Variants in INPP4B observed in about 807,000 individuals in gnomAD.
The protein encoded by INPP4B is inositol polyphosphate 4-phosphatase type II.
A neutral mutation model predicts 122.5 loss-of-function variants in INPP4B; 55 were observed. The ratio of observed to expected loss-of-function variants is 0.45; its 90% confidence interval spans 0.36 to 0.56. INPP4B has a LOEUF of 0.56. Among genes scored for constraint, INPP4B ranks in the 20% least tolerant of loss-of-function variants. The pLI, the probability that INPP4B is intolerant of heterozygous loss-of-function variation, is 0.00. For missense variants in INPP4B, 1,000 were observed against 1,097.7 expected (o/e 0.91, Z 1.26); for synonymous variants, 403 against 388.7 (o/e 1.04, Z -0.43).
intron 2 of INPP4B, among the ~76,000 whole-genome samples, chr4:142,591,423 G>T (rs542626753): frequency 6.6e-6 from 1 of 152,104 alleles, no homozygotes; most frequent in Admixed American, 6.5e-5. Context: ...ATAACCCAAA[G>T]TATAAAATAA....
chr4:142,774,398 T>C (rs1217629719), intron 1 of INPP4B, among the ~76,000 whole-genome samples: 1 of 152,122 alleles, frequency 6.6e-6, no homozygotes, highest in Non-Finnish European at 1.5e-5. Context: ...GCAGGTGAGT[T>C]ATATTTGGAC....
chr4:142,536,580 C>A (rs957610354), intron 2 of INPP4B, among the ~76,000 whole-genome samples: 3 of 152,208 alleles, frequency 2.0e-5, no homozygotes, highest in African/African-American at 7.2e-5. Context: ...GAGTGGTGTG[C>A]CCTGGCATTT....
chr4:142,552,775 T>C (rs1413201572), intron 2 of INPP4B, among the ~76,000 whole-genome samples: 1 of 152,196 alleles, frequency 6.6e-6, no homozygotes, highest in Non-Finnish European at 1.5e-5. Context: ...GGAATAATTG[T>C]CATCCCAATT....
At chr4:142,285,606 G>C (rs937278289) in intron 9 of INPP4B, among the ~76,000 whole-genome samples, 4 of 151,026 alleles carry the variant, frequency 2.6e-5, no homozygotes, top group African/African-American at 9.9e-5. Flanking sequence ...GGGTTGCAGG[G>C]AAGAAAGCCA....
chr4:142,541,691 T>C (rs555288742), intron 2 of INPP4B, among the ~76,000 whole-genome samples: 2 of 152,208 alleles, frequency 1.3e-5, no homozygotes, highest in Non-Finnish European at 2.9e-5. Flanking sequence ...AGACTTTTTC[T>C]TCTTGGTTCC....
intron 18 of INPP4B, among the ~76,000 whole-genome samples, chr4:142,140,427 A>G (rs1271760128): frequency 6.6e-6 from 1 of 152,192 alleles, no homozygotes; most frequent in Non-Finnish European, 1.5e-5. Flanking sequence ...ACACATCCCC[A>G]AAGGGTAGTG....
At chr4:142,165,210 C>T (rs1038940073) in intron 16 of INPP4B, among the ~76,000 whole-genome samples, 3 of 144,260 alleles carry the variant, frequency 2.1e-5, no homozygotes, top group Admixed American at 1.4e-4. Flanking sequence ...GTAATTTTGT[C>T]CTTTCAAGAT....
intron 2 of INPP4B, among the ~76,000 whole-genome samples, chr4:142,661,604 T>C (rs1246048675): frequency 6.6e-6 from 1 of 152,232 alleles, no homozygotes. Context: ...ATTTAGCAAT[T>C]TTTTCAGAGT....
chr4:142,536,469 A>G (rs1211377353), intron 2 of INPP4B, among the ~76,000 whole-genome samples: 1 of 152,214 alleles, frequency 6.6e-6, no homozygotes, highest in East Asian at 1.9e-4. Flanking sequence ...AAAAGGCTAT[A>G]TCATCATCAT....
chr4:142,107,995 C>T lies in INPP4B; in HGVS notation c.2374+98G>A, dbSNP rs1017914711. The T allele has an allele frequency of 4.6e-6, 3 of 655,474 alleles. No homozygotes were observed. In the Admixed American group the frequency reaches 8.9e-5, roughly 20 times the overall value. The allele number at this position is 655,474 out of a possible 1,614,324, so 40.6% of individuals were successfully genotyped here. On this transcript the variant is annotated intron_variant, in intron 23 of 25. Coordinates refer to ENST00000262992, the MANE Select transcript of INPP4B (RefSeq NM_001101669.3). ...TTCAAAATCACTCTCACATCCCTAC[C>T]CCTGCTTCTGTAGTCCACTGACCTC...
intron 2 of INPP4B, among the ~76,000 whole-genome samples, chr4:142,661,513 C>A (rs1215466932): frequency 6.6e-6 from 1 of 152,144 alleles, no homozygotes; most frequent in East Asian, 1.9e-4. Flanking sequence ...AGGTTACAAT[C>A]ACAGTAGTAG....
chr4:142,638,613 G>T (rs1259289323), intron 2 of INPP4B, among the ~76,000 whole-genome samples: 4 of 141,726 alleles, frequency 2.8e-5, no homozygotes, highest in African/African-American at 1.0e-4. Flanking sequence ...GCATGATCTT[G>T]GCTCACTGCA....
chr4:142,191,368 C>T (rs1416936227), intron 15 of INPP4B, among the ~76,000 whole-genome samples: 1 of 152,158 alleles, frequency 6.6e-6, no homozygotes, highest in Non-Finnish European at 1.5e-5. Context: ...CCAACCTGTT[C>T]TGGGGGTGAA....
chr4:142,351,964 T>C (rs2635423), intron 7 of INPP4B, among the ~76,000 whole-genome samples: 148,712 of 152,096 alleles, frequency 0.98, 72,798 homozygotes, highest in East Asian at 1. Flanking sequence ...ATACTAAATG[T>C]AATATAGCTC....
chr4:142,451,645 T>C (rs1482344061), intron 3 of INPP4B, among the ~76,000 whole-genome samples: 1 of 152,190 alleles, frequency 6.6e-6, no homozygotes, highest in Non-Finnish European at 1.5e-5. Context: ...TATTGCTTCT[T>C]TAAATTATAG....
At chr4:142,335,618 C>A (rs1435947964) in intron 7 of INPP4B, among the ~76,000 whole-genome samples, 1 of 152,160 alleles carries the variant, frequency 6.6e-6, no homozygotes, top group African/African-American at 2.4e-5. Context: ...AAAATGCAAT[C>A]TGAAATTTAA....
At chr4:142,048,238 T>C (rs912268055) in intron 25 of INPP4B, among the ~76,000 whole-genome samples, 38 of 152,278 alleles carry the variant, frequency 2.5e-4, no homozygotes, top group African/African-American at 7.5e-4. Flanking sequence ...AACTGTGCTA[T>C]ACTTTTTTCC....
At chr4:142,828,948 G>A (rs1484743564) in intron 1 of INPP4B, among the ~76,000 whole-genome samples, 1 of 151,728 alleles carries the variant, frequency 6.6e-6, no homozygotes, top group Non-Finnish European at 1.5e-5. Flanking sequence ...AAGCTGACCT[G>A]TATGGATCAT....
intron 2 of INPP4B, among the ~76,000 whole-genome samples, chr4:142,699,539 T>C (rs773982867): frequency 6.6e-6 from 1 of 152,158 alleles, no homozygotes; most frequent in Non-Finnish European, 1.5e-5. Context: ...CCCATAACCA[T>C]ACTGGCCAGC....
Sources: allele counts gnomAD v4.1 joint callset (sites outside exome capture counted in the v4.1 genomes callset), GRCh38; gene constraint gnomAD v4.1.1; transcripts MANE v1.5; gene names NCBI Gene and HGNC (gene_info 2026-07-23, HGNC 2026-07-21).